The following IGSF21 variants were observed in gnomAD, a reference collection of about 807,000 sequenced individuals.
IGSF21 encodes the protein immunoglobulin superfamily member 21.
Under a neutral mutation model 46.8 loss-of-function variants are expected in IGSF21, and 28 were observed. The ratio of observed to expected loss-of-function variants is 0.60; its 90% CI spans 0.44 to 0.82. The LOEUF is 0.82. IGSF21 is among the 40% of genes least tolerant of loss of function. The pLI, the probability that IGSF21 is intolerant of heterozygous loss-of-function variation, is 0.00. For synonymous variants in IGSF21, 284 were observed against 273.6 expected (o/e 1.04, Z -0.38); for missense variants, 624 against 665.5 (o/e 0.94, Z 0.69).
chr1:18,165,292 T>C (rs542764356), intron 1 of IGSF21, among the ~76,000 whole-genome samples: 4 of 152,082 alleles, frequency 2.6e-5, no homozygotes, highest in Admixed American at 6.6e-5. Flanking sequence ...GCTGGCAGCG[T>C]TGGTTTCTTG....
chr1:18,223,349 C>T (rs2056073), intron 1 of IGSF21, among the ~76,000 whole-genome samples: 146,107 of 152,326 alleles, frequency 0.96, 70,357 homozygotes, highest in East Asian at 1. Context: ...GAGCTGCAAA[C>T]TGGGGGATAC....
At chr1:18,243,398 C>T (rs928022928) in intron 2 of IGSF21, among the ~76,000 whole-genome samples, 4 of 152,104 alleles carry the variant, frequency 2.6e-5, no homozygotes, top group East Asian at 1.9e-4. Flanking sequence ...TCTCTTCCAT[C>T]GAATCCGTTC....
chr1:18,325,903 G>T (rs914879973), intron 3 of IGSF21, among the ~76,000 whole-genome samples: 5 of 151,604 alleles, frequency 3.3e-5, no homozygotes, highest in Admixed American at 6.5e-5. Flanking sequence ...CAGCAGCCAG[G>T]GCTGGCTGAG....
intron 1 of IGSF21, among the ~76,000 whole-genome samples, chr1:18,198,733 G>T (rs1370925068): frequency 6.6e-6 from 1 of 152,160 alleles, no homozygotes; most frequent in African/African-American, 2.4e-5. Flanking sequence ...TGGGCCCCAG[G>T]TGGAACTGGG....
chr1:18,251,635 G>A (rs550723181), intron 2 of IGSF21, among the ~76,000 whole-genome samples: 37 of 152,292 alleles, frequency 2.4e-4, no homozygotes, highest in African/African-American at 8.2e-4. Flanking sequence ...CAACTGTGAG[G>A]GAGGCTGAGA....
chr1:18,299,473 C>G (rs1472965668), intron 3 of IGSF21, among the ~76,000 whole-genome samples: 2 of 152,186 alleles, frequency 1.3e-5, no homozygotes, highest in Non-Finnish European at 2.9e-5. Flanking sequence ...TTCTCCAGCT[C>G]CCTTCTCCCT....
intron 1 of IGSF21, among the ~76,000 whole-genome samples, chr1:18,124,417 G>A (rs934816150): frequency 1.3e-5 from 2 of 152,248 alleles, no homozygotes; most frequent in African/African-American, 4.8e-5. Flanking sequence ...CACCGGCTAA[G>A]GGGTTGCGCA....
intron 2 of IGSF21, among the ~76,000 whole-genome samples, chr1:18,237,273 C>T (rs1285162096): frequency 6.6e-6 from 1 of 152,144 alleles, no homozygotes; most frequent in Non-Finnish European, 1.5e-5. Flanking sequence ...AACTCAGTGG[C>T]CTTGGATGAC....
At chr1:18,332,237 C>T (rs1245209822) in intron 3 of IGSF21, among the ~76,000 whole-genome samples, 2 of 152,212 alleles carry the variant, frequency 1.3e-5, no homozygotes, top group African/African-American at 2.4e-5. Flanking sequence ...GTTACCTGCA[C>T]GTATCTGCCT....
At position 18,158,135 on chromosome 1, in the gene IGSF21, G is replaced by A. The variant is rs573176980; in HGVS notation, c.70+49937G>A. Reference sequence around the variant, plus strand: ...AGACTGGGAGCTCCCTGAGGGCAGGGACTGAGTCTGAAGTCCTTCAGGATC... The same window carrying A: ...AGACTGGGAGCTCCCTGAGGGCAGGAACTGAGTCTGAAGTCCTTCAGGATC... On this transcript the variant is annotated intron_variant, in intron 1 of 9. Coordinates refer to ENST00000251296, the MANE Select transcript of IGSF21 (RefSeq NM_032880.5). Among the ~76,000 whole-genome samples the A allele has an allele frequency of 5.9e-5, 9 of 152,238 alleles. No homozygotes were observed. In the South Asian group the frequency reaches 1.5e-3, roughly 25 times the overall value.
At chr1:18,356,714 C>T (rs996250063) in intron 4 of IGSF21, among the ~76,000 whole-genome samples, 16 of 151,666 alleles carry the variant, frequency 1.1e-4, no homozygotes, top group Non-Finnish European at 1.5e-4. Flanking sequence ...ATGGGAATGG[C>T]GATGAGAATG....
intron 6 of IGSF21, among the ~76,000 whole-genome samples, chr1:18,373,726 T>C (rs1466852208): frequency 6.6e-6 from 1 of 152,142 alleles, no homozygotes; most frequent in Non-Finnish European, 1.5e-5. Context: ...TGAAGCCCTA[T>C]GTGCTATCAC....
chr1:18,365,118 G>A lies in IGSF21; in HGVS notation c.541-105G>A. On this transcript the variant is annotated intron_variant, in intron 5 of 9. Coordinates refer to ENST00000251296, the MANE Select transcript of IGSF21 (RefSeq NM_032880.5). The surrounding 1 kb of genome is among the most constrained non-coding windows in gnomAD (Gnocchi z 4.8). The stretch of plus-strand genomic sequence containing the variant: ...TGAGGGCTACTGTCTAGACTACTAT[G>A]CTCTGGAAGAACTGGCATCCTGTGC... The A allele has an allele frequency of 2.4e-6, 2 of 830,532 alleles. No individual in the cohort carries two copies. The highest frequency in any genetic ancestry group is 1.6e-5 in the South Asian group (1 of 61,944). 51.4% of individuals were successfully genotyped at this position (830,532 alleles called of 1,614,324 possible).
intron 1 of IGSF21, chr1:18,112,200 C>A (rs1478978601): frequency 1.3e-5 from 2 of 152,240 alleles, no homozygotes; most frequent in African/African-American, 2.4e-5. Flanking sequence ...TGGCTTACCA[C>A]CTTGCCCGCC....
At chr1:18,317,248 GA>G (rs11313726) in intron 3 of IGSF21, among the ~76,000 whole-genome samples, 36,054 of 152,010 alleles carry the variant, frequency 0.24, 4,554 homozygotes, top group African/African-American at 0.27. Flanking sequence ...TCTGTGGCTA[GA>G]AAAAAACACA....
intron 1 of IGSF21, among the ~76,000 whole-genome samples, chr1:18,140,427 C>G (rs4920436): frequency 0.99 from 150,940 of 152,258 alleles, 74,822 homozygotes; most frequent in East Asian, 1. Context: ...TATTTTCTCA[C>G]AGTCTGCATC....
chr1:18,108,719 G>T (rs191468385), intron 1 of IGSF21, among the ~76,000 whole-genome samples: 1 of 151,980 alleles, frequency 6.6e-6, no homozygotes, highest in East Asian at 1.9e-4. Context: ...TAGGGGGTGG[G>T]TATGTGAGGT....
intron 2 of IGSF21, among the ~76,000 whole-genome samples, chr1:18,252,467 T>C (rs2084852405): frequency 6.6e-6 from 1 of 152,162 alleles, no homozygotes; most frequent in South Asian, 2.1e-4. Context: ...GCTTCAGAGG[T>C]GGCCGTAGCT....
At chr1:18,202,272 C>T (rs2124483702) in intron 1 of IGSF21, among the ~76,000 whole-genome samples, 1 of 152,306 alleles carries the variant, frequency 6.6e-6, no homozygotes, top group South Asian at 2.1e-4. Context: ...ATTCTCAGGG[C>T]TGGCTGGGAC....
Sources: gnomAD v4.1 joint callset for allele counts (sites outside exome capture counted in the v4.1 genomes callset) on GRCh38, gnomAD v4.1.1 for gene constraint, Gnocchi (gnomAD v3.1) non-coding constraint, MANE v1.5 for transcripts, NCBI Gene and HGNC (gene_info 2026-07-23, HGNC 2026-07-21) for gene names.